ISOC2: variants seen among roughly 807,000 people sequenced by gnomAD.
ISOC2 encodes the protein isochorismatase domain-containing protein 2.
Under a neutral mutation model 19.3 loss-of-function variants are expected in ISOC2, and 15 were observed. That is an observed-to-expected ratio of 0.78 (90% CI 0.52 to 1.20). ISOC2 has a LOEUF of 1.20. ISOC2 is among the 50% of genes most tolerant of loss of function. ISOC2 has a pLI of 0.00. For synonymous variants in ISOC2, 106 were observed against 115.8 expected, an observed-to-expected ratio of 0.92 and a Z score of 0.54; for missense variants, 285 against 272.4, an observed-to-expected ratio of 1.05 and a Z score of -0.33.
chr19:55,453,330 C>T lies in ISOC2; in HGVS notation c.596G>A (p.Gly199Asp). 6.2e-7 allele frequency: 1 copy of T among 1,607,804 alleles called. No individual in the cohort carries two copies. The highest frequency in any genetic ancestry group is 2.3e-5 in the East Asian group (1 of 44,412). ...AGTTCAGTGGAGGAGGGAGTTCTGGCCTTGGAAGAGGCCCAGCAGTCCGCT... is the reference window on the plus strand; with the variant it reads ...AGTTCAGTGGAGGAGGGAGTTCTGGTCTTGGAAGAGGCCCAGCAGTCCGCT... ...PDSGLLGLFQ[G>D]QNSLLH The change falls in exon 6 of 6, where the codon GGC becomes GAC. Residue 199 changes from glycine (G) to aspartate (D), a missense_variant. Transcript: ENST00000425675.
chr19:55,459,917 G>C (rs1441827995), intron 1 of ISOC2: 1 of 152,266 alleles, frequency 6.6e-6, no homozygotes, highest in African/African-American at 2.4e-5. Context: ...GCCTAGGACA[G>C]GCATGTGGAG....
intron 1 of ISOC2, 144 bp from the exon 2 acceptor site, chr19:55,456,633 G>T: frequency 2.8e-6 from 3 of 1,060,146 alleles, no homozygotes; most frequent in South Asian, 1.6e-5. Flanking sequence ...CTCTGTGTCT[G>T]CTGTTCCCCG....
At chr19:55,456,318 TG>T (rs1986058096) in intron 2 of ISOC2, 30 bp downstream of exon 2, 1 of 1,601,294 alleles carries the variant, frequency 6.2e-7, no homozygotes, top group Non-Finnish European at 8.6e-7. Flanking sequence ...GCCTGGATCC[TG>T]GGTCTGAGGG....
chr19:55,458,856 T>G lies in ISOC2; in HGVS notation c.-3-2367A>C, dbSNP rs115168156. ...GCTGCTATTTTCAAAGCTGGGTAGT[T>G]AGGACACTGTTGTTCCTTGTCTTTC... On this transcript the variant is annotated intron_variant, in intron 1 of 5. Transcript: ENST00000425675. Among the ~76,000 whole-genome samples, 457 of 151,540 alleles carry G rather than the reference T, an allele frequency of 3.0e-3. 2 individuals are homozygous for G. The highest frequency in any genetic ancestry group is 0.011 in the African/African-American group (443 of 41,298).
chr19:55,453,534 T>C (rs898721397), intron 5 of ISOC2, 146 bp from the exon 6 acceptor site: 7 of 526,890 alleles, frequency 1.3e-5, no homozygotes, highest in Non-Finnish European at 2.3e-5. Flanking sequence ...TCTCAAGACT[T>C]TTCCTGGGGC....
chr19:55,456,936 CCCCGGTTACTATCAGAT>C (rs1386587788), intron 1 of ISOC2, among the ~76,000 whole-genome samples: 3 of 152,196 alleles, frequency 2.0e-5, no homozygotes, highest in African/African-American at 7.2e-5. Flanking sequence ...TCACCATCAG[CCCCGGTTACTATCAGAT>C]CCCGGTTACA....
chr19:55,456,046 C>T, intron 2 of ISOC2: 1 of 592,738 alleles, frequency 1.7e-6, no homozygotes, highest in Non-Finnish European at 3.0e-6. Flanking sequence ...TGGGCCTGGA[C>T]TCCTGCGTCT....
intron 1 of ISOC2, among the ~76,000 whole-genome samples, chr19:55,458,549 G>A (rs1198511993): frequency 6.7e-6 from 1 of 149,216 alleles, no homozygotes; most frequent in Admixed American, 6.7e-5. Flanking sequence ...TTTTTTTTGA[G>A]ATGGAGTCTT....
chr19:55,456,636 G>A (rs1044720756), intron 1 of ISOC2, 147 bp from the exon 2 acceptor site: 13 of 1,039,908 alleles, frequency 1.3e-5, no homozygotes, highest in Non-Finnish European at 1.8e-5. Flanking sequence ...TGTGTCTGCT[G>A]TTCCCCGGGC....
Position 55,455,830 on chromosome 19 carries a change from C to G in ISOC2, c.154G>C (p.Glu52Gln). The G allele has an allele frequency of 6.5e-7, 1 of 1,539,060 alleles. No individual in the cohort carries two copies. The highest frequency in any genetic ancestry group is 8.8e-7 in the Non-Finnish European group (1 of 1,139,602). ...TGCTCCGTCAGCATGACTGGCACCTCAAGCAGCCGGGCCACCTGTGCCAGT... is the reference window on the plus strand; with the variant it reads ...TGCTCCGTCAGCATGACTGGCACCTGAAGCAGCCGGGCCACCTGTGCCAGT... ...ARMLKVARLL[E>Q]VPVMLTEQYP... The change falls in exon 3 of 6, where the codon GAG becomes CAG. Residue 52 changes from glutamate (E) to glutamine (Q), a missense_variant. Glu to Gln is a conservative substitution (Grantham distance 29). Transcript: ENST00000425675.
At chr19:55,460,927 A>G (rs1223011325) in intron 1 of ISOC2, among the ~76,000 whole-genome samples, 1 of 134,564 alleles carries the variant, frequency 7.4e-6, no homozygotes, top group Non-Finnish European at 1.7e-5. Context: ...AAAGGCCCCC[A>G]GTTTCTGGTC....
intron 1 of ISOC2, chr19:55,460,099 T>C (rs1250905538): frequency 6.6e-6 from 1 of 152,214 alleles, no homozygotes; most frequent in African/African-American, 2.4e-5. Context: ...GGATTATTCA[T>C]TACAGGACTC....
intron 1 of ISOC2, among the ~76,000 whole-genome samples, 197 bp downstream of exon 1, chr19:55,461,315 A>C (rs1438521332): frequency 6.6e-6 from 1 of 151,952 alleles, no homozygotes; most frequent in African/African-American, 2.4e-5. Flanking sequence ...CCCACCCCCC[A>C]GCGCTGTTAC....
chr19:55,459,291 A>G (rs918985206), intron 1 of ISOC2, among the ~76,000 whole-genome samples: 1 of 152,152 alleles, frequency 6.6e-6, no homozygotes, highest in Admixed American at 6.5e-5. Context: ...TATGTGCACC[A>G]TATCTCAAGT....
rs530015520 is a variant in ISOC2 at position 55,456,394 on chromosome 19, G to A, written c.93C>T (p.Ile31=). The change falls in exon 2 of 6, where the codon ATC becomes ATT. Residue 31 remains isoleucine, a synonymous_variant. Transcript: ENST00000425675. ...CTGAGACGATCTGTGGGAAGTAGGC[G>A]ATGTTGTGGCGGAACTTCTCCTGCA... is the stretch of plus-strand genomic sequence containing the variant. ...CDMQEKFRHN[I]AYFPQIVSVA... 2.8e-5 allele frequency: 45 copies of A among 1,613,934 alleles called. 1 individual carries two copies. The East Asian group carries it at 3.1e-4, about 11-fold the overall frequency.
chr19:55,457,983 G>A (rs1466031295), intron 1 of ISOC2, among the ~76,000 whole-genome samples: 1 of 151,466 alleles, frequency 6.6e-6, no homozygotes, highest in Non-Finnish European at 1.5e-5. Context: ...AGAACAGCAT[G>A]ACTATGAATG....
intron 2 of ISOC2, 23 bp from the exon 3 acceptor site, chr19:55,455,868 A>C (rs1338945528): frequency 2.6e-6 from 4 of 1,526,482 alleles, no homozygotes; most frequent in Non-Finnish European, 3.5e-6. Flanking sequence ...TGGGGAAGAA[A>C]GGTCAGGGTC....
At chr19:55,454,623 G>A in intron 5 of ISOC2, 1 of 246,702 alleles carries the variant, frequency 4.1e-6, no homozygotes, top group South Asian at 5.6e-5. Flanking sequence ...GGGTCAAGGG[G>A]CTTCTATCTA....
intron 1 of ISOC2, 23 bp from the exon 2 acceptor site, chr19:55,456,512 T>TGGGCAGA: frequency 6.2e-7 from 1 of 1,612,552 alleles, no homozygotes; most frequent in East Asian, 2.2e-5. Context: ...AGAGGGACGG[T>TGGGCAGA]GGGTCAGGCC....
Sources: gnomAD v4.1 joint callset for allele counts (sites outside exome capture counted in the v4.1 genomes callset) on GRCh38, gnomAD v4.1.1 for gene constraint, MANE v1.5 for transcripts, NCBI Gene and HGNC (gene_info 2026-07-23, HGNC 2026-07-21) for gene names.